The following RTF2 variants were observed in gnomAD, a reference collection of about 807,000 sequenced individuals.
RTF2 encodes the protein UPF0549 protein C20orf43.
RTF2 carries 18 observed loss-of-function variants against 38.0 expected under a neutral mutation model. The ratio of observed to expected loss-of-function variants is 0.47; its 90% CI spans 0.33 to 0.70. RTF2 has a LOEUF of 0.70. RTF2 is among the 30% of genes least tolerant of loss of function. The probability of loss-of-function intolerance (pLI) is 0.02; values close to 1 mark genes in which losing one functional copy is unlikely to be tolerated. For missense variants in RTF2, 311 were observed against 379.6 expected, an observed-to-expected ratio of 0.82 and a Z score of 1.50; for synonymous variants, 126 against 137.1, an observed-to-expected ratio of 0.92 and a Z score of 0.57.
At chr20:56,497,126 A>C (rs1278410762) in intron 5 of RTF2, 1 of 1,551,706 alleles carries the variant, frequency 6.4e-7, no homozygotes, top group Non-Finnish European at 8.7e-7. Context: ...AAACGTTTTC[A>C]AAACAGTTAA....
intron 5 of RTF2, 69 bp from the exon 6 acceptor site, chr20:56,513,246 G>C (rs1013797733): frequency 6.5e-7 from 1 of 1,539,078 alleles, no homozygotes; most frequent in Non-Finnish European, 8.8e-7. Context: ...GGCTGAGAGT[G>C]GGGGACTGAA....
Position 56,491,786 on chromosome 20 carries a change from G to A in RTF2, c.477+7597G>A, listed in dbSNP as rs751511355. 37 of 1,547,250 alleles carry A rather than the reference G, an allele frequency of 2.4e-5. No individual in the cohort carries two copies. In the African/African-American group the frequency reaches 4.8e-4, roughly 20 times the overall value. Reference sequence around the variant, plus strand: ...GCAGATGTCTTCGACGTAGCGGCCTGCAGAAAGAAACACAAAAACCTAGCT... The same window carrying A: ...GCAGATGTCTTCGACGTAGCGGCCTACAGAAAGAAACACAAAAACCTAGCT... On this transcript the variant is annotated intron_variant, in intron 5 of 8. Transcript: ENST00000357348.
intron 5 of RTF2, among the ~76,000 whole-genome samples, chr20:56,501,227 A>C (rs984669108): frequency 3.3e-5 from 5 of 151,928 alleles, no homozygotes; most frequent in Non-Finnish European, 5.9e-5. Context: ...TTTTAAGATA[A>C]TGGTGAACAT....
intron 5 of RTF2, chr20:56,491,417 A>G: frequency 1.5e-6 from 1 of 653,660 alleles, no homozygotes. Flanking sequence ...ATCAATAGTA[A>G]AGTCTTGTCA....
chr20:56,507,887 C>CTCTA (rs1407221285), intron 5 of RTF2, among the ~76,000 whole-genome samples: 4 of 152,192 alleles, frequency 2.6e-5, no homozygotes, highest in Admixed American at 2.6e-4. Flanking sequence ...CAAGGGAAAG[C>CTCTA]TCTACTCAGA....
rs567150416 is a variant in RTF2, at chr20:56,488,902, C to G, written c.477+4713C>G. Among the ~76,000 whole-genome samples, 10 of 152,236 alleles carry G rather than the reference C, an allele frequency of 6.6e-5. No homozygotes were observed. In the South Asian group the frequency reaches 1.2e-3, roughly 19 times the overall value. ...TCCCTGCCTCTCGGCCTCCCTGCCTCTCAAGCCTCCCTGCCTCTCGGCCTC... is the reference window on the plus strand; with the variant it reads ...TCCCTGCCTCTCGGCCTCCCTGCCTGTCAAGCCTCCCTGCCTCTCGGCCTC... On this transcript the variant is annotated intron_variant, in intron 5 of 8. Transcript: ENST00000357348.
chr20:56,507,361 G>A (rs80150908), intron 5 of RTF2, among the ~76,000 whole-genome samples: 3,609 of 152,222 alleles, frequency 0.024, 151 homozygotes, highest in African/African-American at 0.082. Context: ...TAGCAGTTGG[G>A]AGGACTCTGC....
At chr20:56,510,239 G>A (rs1244034088) in intron 5 of RTF2, among the ~76,000 whole-genome samples, 1 of 152,168 alleles carries the variant, frequency 6.6e-6, no homozygotes, top group African/African-American at 2.4e-5. Context: ...ATGTAAATGA[G>A]ATTTCAGAAA....
chr20:56,508,385 G>A (rs748275599), intron 5 of RTF2, among the ~76,000 whole-genome samples: 1 of 152,140 alleles, frequency 6.6e-6, no homozygotes. Flanking sequence ...ATTGCTCTGG[G>A]CACAGTAGGT....
At chr20:56,476,120 A>G (rs572310920) in intron 3 of RTF2, among the ~76,000 whole-genome samples, 21 of 152,330 alleles carry the variant, frequency 1.4e-4, no homozygotes, top group Non-Finnish European at 2.9e-4. Context: ...AATTCCTTAT[A>G]AAGTTGGGAA....
chr20:56,483,926 T>A (rs966565051), intron 4 of RTF2, among the ~76,000 whole-genome samples, 185 bp from the exon 5 acceptor site: 5 of 152,230 alleles, frequency 3.3e-5, no homozygotes, highest in Non-Finnish European at 5.9e-5. Flanking sequence ...CTTTTTTTTA[T>A]TTTGGATATA....
intron 5 of RTF2, among the ~76,000 whole-genome samples, chr20:56,503,457 T>C (rs1439645683): frequency 6.6e-6 from 1 of 152,188 alleles, no homozygotes; most frequent in Admixed American, 6.5e-5. Context: ...CTGCCTCTCA[T>C]GTGAGGGGTT....
chr20:56,505,879 T>A (rs1477941777), intron 5 of RTF2, among the ~76,000 whole-genome samples: 1 of 152,052 alleles, frequency 6.6e-6, no homozygotes, highest in East Asian at 1.9e-4. Flanking sequence ...CCCTAATAAA[T>A]AAAAGGACAT....
rs76029298 is a variant in RTF2, at chr20:56,512,259, G to A, written c.478-1056G>A. Among the ~76,000 whole-genome samples, 35 of 152,260 alleles carry A rather than the reference G, an allele frequency of 2.3e-4. No homozygotes were observed. The East Asian group carries it at 6.4e-3, about 28-fold the overall frequency. ...AAATCTCAATTCAAAATGCAGGACT[G>A]GGAACCTCCACTCCTCGTTCTCTTT... On this transcript the variant is annotated intron_variant, in intron 5 of 8. Coordinates refer to ENST00000357348, the MANE Select transcript of RTF2 (RefSeq NM_016407.5).
chr20:56,493,650 C>T lies in RTF2; in HGVS notation c.477+9461C>T, dbSNP rs533109213. On this transcript the variant is annotated intron_variant, in intron 5 of 8. Coordinates refer to ENST00000357348, the MANE Select transcript of RTF2 (RefSeq NM_016407.5). ...CCAGCCTGGGTGACAGAGCGAGACC[C>T]TGTCTCAAAAAAAAAAAAAAAAGAC... 4.1e-4 allele frequency among the ~76,000 whole-genome samples: 53 copies of T among 128,368 alleles called. 1 individual carries two copies. The South Asian group carries it at 8.7e-3, about 21-fold the overall frequency. 84.2% of individuals were successfully genotyped at this position (128,368 alleles called of 152,430 possible). A position where few individuals can be genotyped will look rare whatever the true frequency, so the allele number is the denominator to read the frequency against.
At chr20:56,473,278 T>C (rs1982064398) in intron 1 of RTF2, 23 bp from the exon 2 acceptor site, 1 of 1,546,436 alleles carries the variant, frequency 6.5e-7, no homozygotes, top group Non-Finnish European at 8.9e-7. Flanking sequence ...TGAAAATTAA[T>C]TGAATTTTTT....
intron 5 of RTF2, among the ~76,000 whole-genome samples, chr20:56,501,055 C>T (rs1983897725): frequency 6.6e-6 from 1 of 152,108 alleles, no homozygotes. Flanking sequence ...TCAATACACA[C>T]AATGTATCAG....
intron 3 of RTF2, among the ~76,000 whole-genome samples, chr20:56,476,446 A>G (rs1982246416): frequency 6.6e-6 from 1 of 152,014 alleles, no homozygotes; most frequent in Non-Finnish European, 1.5e-5. Flanking sequence ...TGGATAGTAG[A>G]AATAACTGAT....
At chr20:56,501,566 TTGTC>T (rs1420003305) in intron 5 of RTF2, among the ~76,000 whole-genome samples, 5 of 152,346 alleles carry the variant, frequency 3.3e-5, no homozygotes, top group African/African-American at 1.2e-4. Context: ...TGCAAGTTCT[TTGTC>T]TGGAACAGAC....
Sources: allele counts gnomAD v4.1 joint callset (sites outside exome capture counted in the v4.1 genomes callset), GRCh38; gene constraint gnomAD v4.1.1; transcripts MANE v1.5; gene names NCBI Gene and HGNC (gene_info 2026-07-23, HGNC 2026-07-21).